Variants in OR2L13 observed in about 807,000 individuals in gnomAD.
The protein encoded by OR2L13 is olfactory receptor family 2 subfamily L member 13.
Under a neutral mutation model 15.3 loss-of-function variants are expected in OR2L13, and 14 were observed. The ratio of observed to expected loss-of-function variants is 0.91; its 90% CI spans 0.60 to 1.43. The LOEUF is 1.43. Among genes scored for constraint, OR2L13 ranks in the 40% most tolerant of loss-of-function variants. The pLI is 0.00. For synonymous variants in OR2L13, 152 were observed against 142.9 expected (o/e 1.06, Z -0.45); for missense variants, 367 against 387.9 (o/e 0.95, Z 0.45).
At chr1:248,018,709 C>T in the OR2L13 span, among the ~76,000 whole-genome samples, 1 of 152,198 alleles carries the variant, frequency 6.6e-6, no homozygotes, top group Non-Finnish European at 1.5e-5. Flanking sequence ...GCATTAAGGA[C>T]ATTTATGTTG....
At chr1:248,033,245 T>A in the OR2L13 span, among the ~76,000 whole-genome samples, 1 of 152,188 alleles carries the variant, frequency 6.6e-6, no homozygotes, top group Non-Finnish European at 1.5e-5. Context: ...TATTTTGACT[T>A]AATTTTTCTA....
At chr1:248,010,416 A>G in the OR2L13 span, among the ~76,000 whole-genome samples, 1 of 152,102 alleles carries the variant, frequency 6.6e-6, no homozygotes, top group Non-Finnish European at 1.5e-5. Flanking sequence ...TTTGGGGTGG[A>G]GAGTACTGTA....
the OR2L13 span, among the ~76,000 whole-genome samples, chr1:247,957,072 G>A: frequency 1.3e-5 from 2 of 152,170 alleles, no homozygotes; most frequent in African/African-American, 4.8e-5. Flanking sequence ...TATGATATTG[G>A]CTGTAAGTTT....
At chr1:248,047,181 A>G in the OR2L13 span, among the ~76,000 whole-genome samples, 1 of 152,108 alleles carries the variant, frequency 6.6e-6, no homozygotes, top group Non-Finnish European at 1.5e-5. Context: ...AAATTAAAGA[A>G]CCCACATTCA....
chr1:248,045,421 A>G, the OR2L13 span, among the ~76,000 whole-genome samples: 1 of 152,198 alleles, frequency 6.6e-6, no homozygotes, highest in Non-Finnish European at 1.5e-5. Flanking sequence ...CCATATTTGC[A>G]TACTTGACCC....
the OR2L13 span, among the ~76,000 whole-genome samples, chr1:247,946,201 C>T: frequency 2.6e-5 from 4 of 152,170 alleles, no homozygotes; most frequent in Non-Finnish European, 5.9e-5. Context: ...GTTGATGTTA[C>T]ATCCTATAAT....
chr1:247,948,781 C>T, the OR2L13 span: 3 of 1,213,304 alleles, frequency 2.5e-6, no homozygotes, highest in African/African-American at 3.0e-5. Flanking sequence ...TGGAATGCAT[C>T]CCCTGCAGAT....
chr1:248,013,032 G>A, the OR2L13 span, among the ~76,000 whole-genome samples: 1 of 151,574 alleles, frequency 6.6e-6, no homozygotes, highest in Non-Finnish European at 1.5e-5. Context: ...ATTTTCATAA[G>A]AGAAAATTGT....
At chr1:247,948,009 GTTCAAAACCAGC>G in the OR2L13 span, among the ~76,000 whole-genome samples, 1 of 152,088 alleles carries the variant, frequency 6.6e-6, no homozygotes, top group Non-Finnish European at 1.5e-5. Context: ...GAGGCCGAGG[GTTCAAAACCAGC>G]CTGAGAAACA....
At chr1:247,973,193 G>A in the OR2L13 span, among the ~76,000 whole-genome samples, 2 of 152,036 alleles carry the variant, frequency 1.3e-5, no homozygotes, top group African/African-American at 2.4e-5. Flanking sequence ...AAAATCTGGA[G>A]GCATCCCATT....
the OR2L13 span, among the ~76,000 whole-genome samples, chr1:248,007,640 C>A: frequency 6.6e-6 from 1 of 152,170 alleles, no homozygotes; most frequent in African/African-American, 2.4e-5. Context: ...TATGCCTCTT[C>A]CTCGTTTTAG....
the OR2L13 span, among the ~76,000 whole-genome samples, chr1:247,938,593 CAT>C: frequency 7.9e-5 from 12 of 152,052 alleles, no homozygotes; most frequent in Non-Finnish European, 2.9e-5. Context: ...GATATAGAAA[CAT>C]AGAAACGCCT....
the OR2L13 span, among the ~76,000 whole-genome samples, chr1:248,067,742 C>A: frequency 2.0e-5 from 3 of 152,158 alleles, no homozygotes. Flanking sequence ...CTTTCCTAGT[C>A]GAAGAAAGGG....
At chr1:248,029,068 C>T in the OR2L13 span, 5 of 152,316 alleles carry the variant, frequency 3.3e-5, no homozygotes, top group East Asian at 5.8e-4. Flanking sequence ...TGTACACTAA[C>T]TACCCCGACT....
chr1:247,946,266 A>G, the OR2L13 span, among the ~76,000 whole-genome samples: 84 of 152,294 alleles, frequency 5.5e-4, no homozygotes, highest in Middle Eastern at 6.8e-3. Flanking sequence ...TAATTATGTC[A>G]TATGCAAACA....
the OR2L13 span, among the ~76,000 whole-genome samples, chr1:248,079,897 C>T: frequency 6.6e-6 from 1 of 152,146 alleles, no homozygotes; most frequent in African/African-American, 2.4e-5. Context: ...AAACTTTCTG[C>T]TCATGAAACA....
the OR2L13 span, chr1:248,061,081 C>T: frequency 2.0e-5 from 32 of 1,613,886 alleles, no homozygotes; most frequent in East Asian, 6.7e-5. Context: ...CTATCCCATC[C>T]GCATGAGCAA....
chr1:247,990,292 C>A, the OR2L13 span: 1 of 1,023,810 alleles, frequency 9.8e-7, no homozygotes, highest in Non-Finnish European at 1.5e-6. Context: ...CAAACATCAA[C>A]TGCTTTCATC....
At chr1:248,055,453 C>T in the OR2L13 span, among the ~76,000 whole-genome samples, 1 of 152,060 alleles carries the variant, frequency 6.6e-6, no homozygotes, top group Non-Finnish European at 1.5e-5. Context: ...TGATGCTGGC[C>T]TCATAAAATG....
Sources: gnomAD v4.1 joint callset for allele counts (sites outside exome capture counted in the v4.1 genomes callset) on GRCh38, gnomAD v4.1.1 for gene constraint, MANE v1.5 for transcripts, NCBI Gene and HGNC (gene_info 2026-07-23, HGNC 2026-07-21) for gene names.